VPS8: variants seen among roughly 807,000 people sequenced by gnomAD.
VPS8 encodes the protein VPS8 subunit of CORVET complex, also known as vacuolar protein sorting-associated protein 8 homolog.
VPS8 carries 129 observed loss-of-function variants against 216.4 expected under a neutral mutation model. The observed-to-expected ratio is 0.60, with a 90% confidence interval of 0.52 to 0.69. The LOEUF (loss-of-function observed/expected upper bound fraction) is 0.69, where lower values mean the gene tolerates loss of function less well. VPS8 is among the 30% of genes least tolerant of loss of function. The pLI is 0.00. For missense variants in VPS8, 1,531 were observed against 1,683.5 expected (o/e 0.91, Z 1.59); for synonymous variants, 571 against 565.4 (o/e 1.01, Z -0.14).
intron 39 of VPS8, among the ~76,000 whole-genome samples, chr3:184,967,841 C>CAA (rs11326717): frequency 6.0e-5 from 8 of 133,744 alleles, no homozygotes; most frequent in African/African-American, 2.0e-4. Flanking sequence ...AACTCCATCT[C>CAA]AAAAAAAAAA....
At chr3:184,900,324 T>G (rs1734253118) in intron 24 of VPS8, among the ~76,000 whole-genome samples, 1 of 152,216 alleles carries the variant, frequency 6.6e-6, no homozygotes, top group African/African-American at 2.4e-5. Context: ...GGTAGACGTT[T>G]ATATACCAGC....
chr3:184,865,441 G>A (rs1382541292), intron 16 of VPS8, among the ~76,000 whole-genome samples: 1 of 152,176 alleles, frequency 6.6e-6, no homozygotes, highest in Non-Finnish European at 1.5e-5. Flanking sequence ...TCATCAGACA[G>A]TCAACAGTGA....
intron 46 of VPS8, among the ~76,000 whole-genome samples, chr3:185,041,419 C>T (rs1056134980): frequency 6.6e-5 from 10 of 152,036 alleles, no homozygotes; most frequent in East Asian, 1.9e-4. Flanking sequence ...GAGACCATCT[C>T]GGTGCCAGTA....
At chr3:184,877,058 T>C (rs867698076) in intron 21 of VPS8, among the ~76,000 whole-genome samples, 3 of 152,196 alleles carry the variant, frequency 2.0e-5, no homozygotes, top group Admixed American at 6.5e-5. Context: ...TATACTAGAG[T>C]TCTTTCCAGT....
chr3:185,017,145 GA>G (rs1755919984), intron 45 of VPS8, among the ~76,000 whole-genome samples: 1 of 152,056 alleles, frequency 6.6e-6, no homozygotes, highest in African/African-American at 2.4e-5. Flanking sequence ...TATAGGTACA[GA>G]AGTTATAATT....
chr3:184,914,325 GAAA>G (rs1476931229), intron 26 of VPS8, among the ~76,000 whole-genome samples: 2 of 152,138 alleles, frequency 1.3e-5, no homozygotes, highest in East Asian at 3.9e-4. Flanking sequence ...GTCTAACATT[GAAA>G]ATTGTAGTTT....
At position 184,920,109 on chromosome 3, in the gene VPS8, T is replaced by A; in HGVS notation, c.2383-18T>A. 1 of 1,488,498 alleles carries A rather than the reference T, an allele frequency of 6.7e-7. No individual in the cohort carries two copies. The highest frequency in any genetic ancestry group is 9.0e-7 in the Non-Finnish European group (1 of 1,112,998). The allele number at this position is 1,488,498 out of a possible 1,614,324, so 92.2% of individuals were successfully genotyped here. A position where few individuals can be genotyped will look rare whatever the true frequency, so the allele number is the denominator to read the frequency against. On this transcript the variant is annotated intron_variant, in intron 28 of 47. Transcript: ENST00000625842. ...TGCAAATAATAATTACTTTAAAAAA[T>A]TTATTTCTCCCTTTTAGACTTTTGA...
intron 40 of VPS8, among the ~76,000 whole-genome samples, chr3:184,972,216 C>A (rs1034379111): frequency 1.2e-4 from 19 of 152,194 alleles, no homozygotes; most frequent in African/African-American, 4.6e-4. Flanking sequence ...CCCGAAGTTA[C>A]TATAAAGAGT....
chr3:185,046,728 A>T (rs1377720773), intron 46 of VPS8, among the ~76,000 whole-genome samples: 1 of 152,240 alleles, frequency 6.6e-6, no homozygotes, highest in Non-Finnish European at 1.5e-5. Context: ...TCTGCAAAGT[A>T]GAGTTTTACA....
chr3:184,948,222 C>CT (rs61186163), intron 36 of VPS8, among the ~76,000 whole-genome samples: 143,426 of 146,136 alleles, frequency 0.98, 70,390 homozygotes, highest in East Asian at 1. Flanking sequence ...CATATAGGCT[C>CT]TTTTTTTTTT....
chr3:184,915,346 A>T lies in VPS8; in HGVS notation c.2263-9A>T. 6.2e-7 allele frequency: 1 copy of T among 1,608,102 alleles called. No homozygotes were observed. The highest frequency in any genetic ancestry group is 1.1e-5 in the South Asian group (1 of 90,554). ...AGAAAATAATCAACATTTTTTTCCCAACTTGCAGGTTTTTGAATTTCTAAT... is the reference window on the plus strand; with the variant it reads ...AGAAAATAATCAACATTTTTTTCCCTACTTGCAGGTTTTTGAATTTCTAAT... On this transcript the variant is annotated splice_polypyrimidine_tract_variant and intron_variant, in intron 27 of 47. Transcript: ENST00000625842.
At chr3:184,822,609 ATCTT>A (rs1437174620) in intron 1 of VPS8, among the ~76,000 whole-genome samples, 1 of 152,252 alleles carries the variant, frequency 6.6e-6, no homozygotes, top group Non-Finnish European at 1.5e-5. Context: ...GTTAATAACT[ATCTT>A]TAGGAACCAC....
chr3:184,962,657 A>G (rs554085798), intron 37 of VPS8, among the ~76,000 whole-genome samples: 26 of 151,044 alleles, frequency 1.7e-4, no homozygotes, highest in Non-Finnish European at 3.5e-4. Context: ...CTTCCAATTT[A>G]TTATGGCACA....
chr3:184,882,903 T>C lies in VPS8; in HGVS notation c.1735-3207T>C, dbSNP rs146867359. 5.1e-4 allele frequency among the ~76,000 whole-genome samples: 78 copies of C among 152,288 alleles called. No individual in the cohort carries two copies. In the East Asian group the frequency reaches 0.014, roughly 27 times the overall value. ...GATGTTGTCAATGTCTATAATGATATCCTCTGCTTCATTCCTGATGTTTTC... is the reference window on the plus strand; with the variant it reads ...GATGTTGTCAATGTCTATAATGATACCCTCTGCTTCATTCCTGATGTTTTC... On this transcript the variant is annotated intron_variant, in intron 21 of 47. Coordinates refer to ENST00000625842, the MANE Select transcript of VPS8 (RefSeq NM_001009921.3).
At chr3:184,922,634 T>C (rs570273141) in intron 29 of VPS8, among the ~76,000 whole-genome samples, 1 of 152,306 alleles carries the variant, frequency 6.6e-6, no homozygotes, top group South Asian at 2.1e-4. Flanking sequence ...CTTGCGTCAA[T>C]GAAGAATGAG....
At chr3:184,918,895 A>G (rs1419754827) in intron 28 of VPS8, among the ~76,000 whole-genome samples, 1 of 152,186 alleles carries the variant, frequency 6.6e-6, no homozygotes, top group Admixed American at 6.5e-5. Context: ...ATCTTCAGTC[A>G]GGGTCATATT....
At chr3:185,047,287 G>A (rs1278558153) in intron 46 of VPS8, among the ~76,000 whole-genome samples, 1 of 152,184 alleles carries the variant, frequency 6.6e-6, no homozygotes, top group Non-Finnish European at 1.5e-5. Context: ...TCTGCTACGT[G>A]TTCTGTGTGC....
chr3:185,051,766 T>G, intron 47 of VPS8, 110 bp from the exon 48 acceptor site: 1 of 1,293,362 alleles, frequency 7.7e-7, no homozygotes, highest in South Asian at 1.8e-5. Flanking sequence ...TGCATGTTAC[T>G]ACTCCTGCAA....
intron 20 of VPS8, 37 bp from the exon 21 acceptor site, chr3:184,870,679 A>G (rs1728171496): frequency 6.7e-7 from 1 of 1,489,186 alleles, no homozygotes; most frequent in Non-Finnish European, 9.2e-7. Context: ...CTTTAGAGAT[A>G]TATTTTAATG....
Sources: allele counts gnomAD v4.1 joint callset (sites outside exome capture counted in the v4.1 genomes callset), GRCh38; gene constraint gnomAD v4.1.1; transcripts MANE v1.5; gene names NCBI Gene and HGNC (gene_info 2026-07-23, HGNC 2026-07-21).